Variants in CDC14A observed in about 807,000 individuals in gnomAD.
The protein encoded by CDC14A is cell division cycle 14A, also known as dual specificity protein phosphatase CDC14A.
Under a neutral mutation model 74.4 loss-of-function variants are expected in CDC14A, and 53 were observed. That is an observed-to-expected ratio of 0.71 (90% CI 0.57 to 0.89). CDC14A has a LOEUF of 0.89. Among genes scored for constraint, CDC14A ranks in the 40% least tolerant of loss-of-function variants. The probability of loss-of-function intolerance (pLI) is 0.00; values close to 1 mark genes in which losing one functional copy is unlikely to be tolerated. For missense variants in CDC14A, 646 were observed against 713.7 expected, an observed-to-expected ratio of 0.91 and a Z score of 1.08; for synonymous variants, 247 against 258.4, an observed-to-expected ratio of 0.96 and a Z score of 0.43.
At chr1:100,353,088 A>AG in intron 1 of CDC14A, 85 bp downstream of exon 1, 1 of 1,455,814 alleles carries the variant, frequency 6.9e-7, no homozygotes, top group Non-Finnish European at 9.5e-7. Flanking sequence ...CCTTCTCCTG[A>AG]GGCTGCCAGT....
chr1:100,511,887 T>C (rs1413016185), intron 15 of CDC14A, among the ~76,000 whole-genome samples: 3 of 152,176 alleles, frequency 2.0e-5, no homozygotes, highest in Non-Finnish European at 4.4e-5. Context: ...ATCCTTCTCA[T>C]GTTTGGCTTT....
At position 100,498,157 on chromosome 1, in the gene CDC14A, G is replaced by A. The variant is rs751290983; in HGVS notation, c.1371G>A (p.Thr457=). Residue 457 remains threonine, a synonymous_variant, in exon 14 of 16, where the codon ACG becomes ACA. Coordinates refer to ENST00000336454, the MANE Select transcript of CDC14A (RefSeq NM_003672.4). ...TSKMALSPSA[T]AKRINRTSLS... ...AAATGGCACTGTCCCCTTCAGCAAC[G>A]GCCAAGAGGATCAACAGAACTTCTT... The A allele has an allele frequency of 1.9e-5, 30 of 1,613,952 alleles. No homozygotes were observed. Among genetic ancestry groups the A allele is most frequent in the Non-Finnish European group, 2.3e-5 (27 of 1,179,940 alleles).
intron 8 of CDC14A, among the ~76,000 whole-genome samples, chr1:100,455,951 C>T (rs1384421819): frequency 6.6e-6 from 1 of 152,190 alleles, no homozygotes; most frequent in African/African-American, 2.4e-5. Context: ...GCATTTATCT[C>T]TTTTAACACT....
At chr1:100,434,509 A>G (rs546587326) in intron 5 of CDC14A, among the ~76,000 whole-genome samples, 5 of 152,246 alleles carry the variant, frequency 3.3e-5, no homozygotes, top group Non-Finnish European at 5.9e-5. Flanking sequence ...CTCTGGCTTC[A>G]GTGAAGAAAA....
intron 5 of CDC14A, among the ~76,000 whole-genome samples, chr1:100,430,531 T>C (rs1663530669): frequency 6.6e-6 from 1 of 152,208 alleles, no homozygotes; most frequent in South Asian, 2.1e-4. Context: ...TGTAGGTCTT[T>C]AAACAAAGGC....
chr1:100,433,733 C>T (rs757467804), intron 5 of CDC14A, among the ~76,000 whole-genome samples: 2 of 152,050 alleles, frequency 1.3e-5, no homozygotes, highest in African/African-American at 2.4e-5. Flanking sequence ...TTTCATCTCC[C>T]ATTATTAATA....
chr1:100,383,240 G>C (rs1201993960), intron 3 of CDC14A, among the ~76,000 whole-genome samples: 1 of 152,090 alleles, frequency 6.6e-6, no homozygotes, highest in African/African-American at 2.4e-5. Flanking sequence ...AATCCCACGT[G>C]CCTTCAATTA....
At chr1:100,413,168 A>C (rs1338492558) in intron 4 of CDC14A, among the ~76,000 whole-genome samples, 1 of 152,198 alleles carries the variant, frequency 6.6e-6, no homozygotes, top group East Asian at 1.9e-4. Context: ...AAAAATTGCC[A>C]CAGAATCTTT....
chr1:100,483,885 C>A (rs973954065), intron 10 of CDC14A, among the ~76,000 whole-genome samples: 3 of 152,218 alleles, frequency 2.0e-5, no homozygotes, highest in East Asian at 1.9e-4. Flanking sequence ...AACTCAAGTT[C>A]TTTCATGTAC....
intron 5 of CDC14A, among the ~76,000 whole-genome samples, chr1:100,433,831 A>G (rs1431613053): frequency 6.6e-6 from 1 of 152,186 alleles, no homozygotes; most frequent in Non-Finnish European, 1.5e-5. Flanking sequence ...ATAAGTAAAA[A>G]GTATTTGCTG....
rs1252455172 is a variant in CDC14A at position 100,352,809 on chromosome 1, C to T, written c.-146C>T. On this transcript the variant is annotated 5_prime_UTR_variant, in exon 1 of 16. Transcript: ENST00000336454. ...GGCGCGCTGACCCCGAAGCCGCCTC[C>T]GCCTTCGGCGCCTGCTGCCTCCCTC... 1.4e-6 allele frequency: 2 copies of T among 1,456,326 alleles called. No homozygotes were observed. Among genetic ancestry groups the T allele is most frequent in the African/African-American group, 1.5e-5 (1 of 68,940 alleles). The allele number at this position is 1,456,326 out of a possible 1,614,324, so 90.2% of individuals were successfully genotyped here.
chr1:100,364,276 C>T (rs912618451), intron 2 of CDC14A, among the ~76,000 whole-genome samples: 14 of 151,092 alleles, frequency 9.3e-5, no homozygotes, highest in Admixed American at 7.2e-4. Context: ...GGCCCGATGT[C>T]GGCTCACTGC....
intron 2 of CDC14A, among the ~76,000 whole-genome samples, chr1:100,376,494 T>G (rs1486618739): frequency 6.6e-6 from 1 of 152,176 alleles, no homozygotes; most frequent in African/African-American, 2.4e-5. Flanking sequence ...TTTTTTTGTC[T>G]GGAGGGATGA....
intron 5 of CDC14A, among the ~76,000 whole-genome samples, chr1:100,433,304 A>T (rs1663934731): frequency 6.6e-6 from 1 of 152,190 alleles, no homozygotes; most frequent in African/African-American, 2.4e-5. Flanking sequence ...ATAACATACT[A>T]ATTTTCCCAA....
At chr1:100,441,955 A>G (rs189600553) in intron 6 of CDC14A, among the ~76,000 whole-genome samples, 1,765 of 152,042 alleles carry the variant, frequency 0.012, 20 homozygotes, top group Non-Finnish European at 0.02. Context: ...TTCTTTTTCT[A>G]TTTTTAATGA....
At chr1:100,468,144 C>T (rs1312677954) in intron 10 of CDC14A, 50 bp downstream of exon 10, 25 of 1,603,188 alleles carry the variant, frequency 1.6e-5, no homozygotes, top group Non-Finnish European at 2.0e-5. Flanking sequence ...TTGATCCTTT[C>T]TACCTCTTGT....
chr1:100,498,895 G>GT (rs766649357), intron 14 of CDC14A, 34 bp from the exon 15 acceptor site: 65 of 1,584,060 alleles, frequency 4.1e-5, no homozygotes, highest in Non-Finnish European at 5.5e-5. Context: ...ATTGTTGTCT[G>GT]TTTTTTCCCT....
chr1:100,494,910 C>G lies in CDC14A; in HGVS notation c.1230C>G (p.Thr410=). 1 of 1,605,280 alleles carries G rather than the reference C, an allele frequency of 6.2e-7. No individual in the cohort carries two copies. The highest frequency in any genetic ancestry group is 8.5e-7 in the Non-Finnish European group (1 of 1,172,084). Reference sequence around the variant, plus strand: ...TAAAAAGTCAGAGACAGCCACGTACCTCACCATCCTGTGCATTTAGGTAGA... The same window carrying G: ...TAAAAAGTCAGAGACAGCCACGTACGTCACCATCCTGTGCATTTAGGTAGA... The part of the protein sequence containing the change: ...RALKSQRQPR[T]SPSCAFRSDD... The change falls in exon 12 of 16, where the codon ACC becomes ACG. Residue 410 remains threonine, a synonymous_variant. Transcript: ENST00000336454.
chr1:100,415,162 G>A (rs1261998915), intron 4 of CDC14A, among the ~76,000 whole-genome samples: 1 of 152,132 alleles, frequency 6.6e-6, no homozygotes, highest in African/African-American at 2.4e-5. Flanking sequence ...GGCTAATATT[G>A]TCTGCCATTC....
Sources: allele counts gnomAD v4.1 joint callset (sites outside exome capture counted in the v4.1 genomes callset), GRCh38; gene constraint gnomAD v4.1.1; transcripts MANE v1.5; gene names NCBI Gene and HGNC (gene_info 2026-07-23, HGNC 2026-07-21).